Variants in DPP10 observed in about 807,000 individuals in gnomAD.
DPP10 encodes inactive dipeptidyl peptidase 10.
A neutral mutation model predicts 120.9 loss-of-function variants in DPP10; 33 were observed. The ratio of observed to expected loss-of-function variants is 0.27; its 90% confidence interval spans 0.21 to 0.37. The LOEUF (loss-of-function observed/expected upper bound fraction) is 0.37, where lower values mean the gene tolerates loss of function less well. Among genes scored for constraint, DPP10 ranks in the 10% least tolerant of loss-of-function variants. DPP10 has a pLI of 1.00. For synonymous variants in DPP10, 337 were observed against 326.1 expected, an observed-to-expected ratio of 1.03 and a Z score of -0.36; for missense variants, 816 against 942.8, an observed-to-expected ratio of 0.87 and a Z score of 1.76.
At chr2:115,611,215 A>G (rs745874739) in intron 5 of DPP10, among the ~76,000 whole-genome samples, 1 of 152,192 alleles carries the variant, frequency 6.6e-6, no homozygotes, top group Non-Finnish European at 1.5e-5. Context: ...AAAATAGATT[A>G]TTTTCAAATT....
At chr2:114,663,271 T>TATATATATATATATATATATAC (rs375462897) in intron 1 of DPP10, among the ~76,000 whole-genome samples, 5 of 147,348 alleles carry the variant, frequency 3.4e-5, no homozygotes, top group East Asian at 2.0e-4. Flanking sequence ...TATATATATA[T>TATATATATATATATATATATAC]ACACACACAT....
At chr2:115,755,449 A>G (rs1262699527) in intron 11 of DPP10, among the ~76,000 whole-genome samples, 1 of 152,040 alleles carries the variant, frequency 6.6e-6, no homozygotes, top group Non-Finnish European at 1.5e-5. Flanking sequence ...TTGCTGGAAA[A>G]CTGGATGTCA....
At chr2:114,955,966 T>G (rs1309894866) in intron 1 of DPP10, among the ~76,000 whole-genome samples, 1 of 152,164 alleles carries the variant, frequency 6.6e-6, no homozygotes, top group Non-Finnish European at 1.5e-5. Context: ...AGGCCATATA[T>G]GATAAGCCCA....
At chr2:115,062,585 C>T (rs1056401663) in intron 1 of DPP10, among the ~76,000 whole-genome samples, 1 of 152,126 alleles carries the variant, frequency 6.6e-6, no homozygotes, top group Admixed American at 6.5e-5. Context: ...GTTCTTCTCC[C>T]TGTGTCTACG....
chr2:114,759,822 T>C (rs935279682), intron 1 of DPP10, among the ~76,000 whole-genome samples: 1 of 65,738 alleles, frequency 1.5e-5, no homozygotes, highest in East Asian at 3.7e-4. Flanking sequence ...GTGATGGGGG[T>C]GGGTCAGCAC....
chr2:114,499,688 G>T (rs935301158), intron 1 of DPP10, among the ~76,000 whole-genome samples: 1 of 152,094 alleles, frequency 6.6e-6, no homozygotes. Flanking sequence ...GTATCCATCA[G>T]TTCAGGAAGG....
chr2:115,188,381 T>G (rs2054621793), intron 1 of DPP10, among the ~76,000 whole-genome samples: 1 of 152,170 alleles, frequency 6.6e-6, no homozygotes, highest in African/African-American at 2.4e-5. Flanking sequence ...AACTGGATCT[T>G]TCTGTATAAA....
chr2:115,549,550 G>T (rs909455669), intron 5 of DPP10, among the ~76,000 whole-genome samples: 1 of 151,806 alleles, frequency 6.6e-6, no homozygotes, highest in South Asian at 2.1e-4. Flanking sequence ...ATAAATATTG[G>T]TCTGTTCATT....
chr2:114,725,112 C>T (rs1323947806), intron 1 of DPP10, among the ~76,000 whole-genome samples: 1 of 152,102 alleles, frequency 6.6e-6, no homozygotes, highest in African/African-American at 2.4e-5. Context: ...TGAAAACCTG[C>T]TTGTAACAAG....
At chr2:114,645,075 G>A (rs981451179) in intron 1 of DPP10, among the ~76,000 whole-genome samples, 1 of 150,292 alleles carries the variant, frequency 6.7e-6, no homozygotes, top group African/African-American at 2.5e-5. Flanking sequence ...CATTTAGCAA[G>A]TATTGTAAGT....
chr2:115,713,797 G>GA (rs2092405527), intron 7 of DPP10, among the ~76,000 whole-genome samples: 1 of 151,938 alleles, frequency 6.6e-6, no homozygotes, highest in South Asian at 2.1e-4. Flanking sequence ...ACATTCTCAG[G>GA]AATTTCAAGT....
At chr2:115,329,942 G>T (rs1029185341) in intron 2 of DPP10, among the ~76,000 whole-genome samples, 3 of 152,018 alleles carry the variant, frequency 2.0e-5, no homozygotes, top group Non-Finnish European at 4.4e-5. Context: ...TAATCCTTTG[G>T]GTATGTACCC....
At chr2:114,985,488 T>C (rs1000400636) in intron 1 of DPP10, among the ~76,000 whole-genome samples, 2 of 152,240 alleles carry the variant, frequency 1.3e-5, no homozygotes, top group Non-Finnish European at 2.9e-5. Flanking sequence ...AGCAACCTAT[T>C]CTGCCTCATT....
In DPP10 at chr2:114,659,030, ACTCT is replaced by A. The variant is rs541623707; in HGVS notation, c.60+216197_60+216200del. Among the ~76,000 whole-genome samples the A allele has an allele frequency of 4.6e-5, 7 of 151,520 alleles. No individual in the cohort carries two copies. In the East Asian group the frequency reaches 1.4e-3, roughly 30 times the overall value. On this transcript the variant is annotated intron_variant, in intron 1 of 25. Coordinates refer to ENST00000410059, the MANE Select transcript of DPP10 (RefSeq NM_020868.6). ...TAACGTTTGACATTTCCTCCTACAC[ACTCT>A]CTCTTCTCTCTCACGCTTCTGCTGC...
At chr2:115,694,721 A>G (rs1340444328) in intron 7 of DPP10, among the ~76,000 whole-genome samples, 1 of 152,210 alleles carries the variant, frequency 6.6e-6, no homozygotes, top group Non-Finnish European at 1.5e-5. Context: ...ACTCTAGTCT[A>G]TTGAAAGTGT....
chr2:115,535,353 CATTT>C (rs1250523659), intron 5 of DPP10, among the ~76,000 whole-genome samples: 1 of 151,476 alleles, frequency 6.6e-6, no homozygotes, highest in African/African-American at 2.4e-5. Flanking sequence ...TTCCCAGCAC[CATTT>C]ATTAAATAGG....
intron 1 of DPP10, among the ~76,000 whole-genome samples, chr2:115,038,805 C>T (rs562749510): frequency 6.6e-6 from 1 of 152,264 alleles, no homozygotes; most frequent in South Asian, 2.1e-4. Context: ...ATAACTTGCT[C>T]AGAGTCACCG....
chr2:114,836,030 G>A (rs1407759672), intron 1 of DPP10, among the ~76,000 whole-genome samples: 1 of 152,050 alleles, frequency 6.6e-6, no homozygotes, highest in Non-Finnish European at 1.5e-5. Context: ...GGATGTTATT[G>A]GAGAGTATTG....
intron 1 of DPP10, among the ~76,000 whole-genome samples, chr2:114,700,343 C>G (rs367544875): frequency 7.2e-5 from 11 of 152,088 alleles, no homozygotes; most frequent in Non-Finnish European, 1.0e-4. Flanking sequence ...AACAAACAAA[C>G]TCCTAGGTGT....
Sources: gnomAD v4.1 joint callset for allele counts (sites outside exome capture counted in the v4.1 genomes callset) on GRCh38, gnomAD v4.1.1 for gene constraint, MANE v1.5 for transcripts, NCBI Gene and HGNC (gene_info 2026-07-23, HGNC 2026-07-21) for gene names.